SSBP3: variants seen among roughly 807,000 people sequenced by gnomAD.
The protein encoded by SSBP3 is single stranded DNA binding protein 3, also known as single-stranded DNA-binding protein 3.
SSBP3 carries 5 observed loss-of-function variants against 69.6 expected under a neutral mutation model. The observed-to-expected ratio is 0.07, with a 90% confidence interval of 0.04 to 0.15. The LOEUF is 0.15. SSBP3 is among the 10% of genes least tolerant of loss of function. The pLI is 1.00. For synonymous variants in SSBP3, 196 were observed against 193.4 expected (o/e 1.01, Z -0.11); for missense variants, 312 against 534.0 (o/e 0.58, Z 4.10).
intron 4 of SSBP3, among the ~76,000 whole-genome samples, chr1:54,337,800 A>T (rs901292990): frequency 1.3e-5 from 2 of 151,846 alleles, no homozygotes; most frequent in African/African-American, 2.4e-5. Flanking sequence ...CGGCCTCCTC[A>T]AACTTTTTGA....
intron 5 of SSBP3, among the ~76,000 whole-genome samples, chr1:54,266,772 A>T (rs141042076): frequency 3.3e-4 from 50 of 151,864 alleles, no homozygotes; most frequent in Middle Eastern, 6.8e-3. Context: ...CAGAATGAGC[A>T]CTGGCCAGGC....
chr1:54,402,272 AG>A (rs1467928335), intron 3 of SSBP3, among the ~76,000 whole-genome samples: 1 of 152,204 alleles, frequency 6.6e-6, no homozygotes, highest in Admixed American at 6.5e-5. Context: ...TGAAGCTCCA[AG>A]GGGTTAGTAG....
chr1:54,233,053 G>A (rs1223950582), intron 14 of SSBP3, among the ~76,000 whole-genome samples: 1 of 151,676 alleles, frequency 6.6e-6, no homozygotes, highest in East Asian at 1.9e-4. Flanking sequence ...CGTCTGGGAT[G>A]TGAGGAGCCC....
At chr1:54,242,309 A>ATTTTTT in intron 10 of SSBP3, 97 bp from the exon 11 acceptor site, 1 of 1,427,734 alleles carries the variant, frequency 7.0e-7, no homozygotes, top group Admixed American at 1.7e-5. Context: ...TGAAATCACA[A>ATTTTTT]CAGGAAGTCC....
chr1:54,313,625 G>A (rs772435506), intron 4 of SSBP3, among the ~76,000 whole-genome samples: 19 of 151,966 alleles, frequency 1.3e-4, no homozygotes, highest in Non-Finnish European at 1.9e-4. Flanking sequence ...ACAAAAGCAC[G>A]GGGGCCTGGA....
intron 4 of SSBP3, among the ~76,000 whole-genome samples, chr1:54,381,904 T>C (rs2100727700): frequency 6.6e-6 from 1 of 152,348 alleles, no homozygotes; most frequent in African/African-American, 2.4e-5. Flanking sequence ...TTTTAAGATG[T>C]GCAGTTAGGC....
chr1:54,284,814 G>A (rs952435114), intron 4 of SSBP3, among the ~76,000 whole-genome samples: 3 of 152,086 alleles, frequency 2.0e-5, no homozygotes, highest in South Asian at 2.1e-4. Context: ...GTACTTTGTC[G>A]CCTTATTTAT....
At chr1:54,232,166 G>A (rs72908101) in intron 14 of SSBP3, among the ~76,000 whole-genome samples, 1,995 of 152,320 alleles carry the variant, frequency 0.013, 42 homozygotes, top group African/African-American at 0.046. Context: ...GCGGCAATTA[G>A]TAGCAATTAG....
chr1:54,407,192 A>T (rs555842293), upstream of SSBP3, among the ~76,000 whole-genome samples: 308 of 152,060 alleles, frequency 2.0e-3, 3 homozygotes, highest in East Asian at 0.043. Context: ...TTGAATTAAG[A>T]GGAGGGAGAG....
intron 4 of SSBP3, among the ~76,000 whole-genome samples, chr1:54,399,930 C>A (rs550298780): frequency 6.6e-6 from 1 of 152,258 alleles, no homozygotes; most frequent in South Asian, 2.1e-4. Context: ...GACTCTCAGG[C>A]CACATGATAC....
chr1:54,270,996 A>AG (rs1645182556), intron 5 of SSBP3, among the ~76,000 whole-genome samples: 1 of 152,354 alleles, frequency 6.6e-6, no homozygotes, highest in East Asian at 1.9e-4. Context: ...CAGAAGGGAC[A>AG]GATGAGCTGA....
chr1:54,308,682 C>T (rs912236155), intron 4 of SSBP3, among the ~76,000 whole-genome samples: 1 of 151,482 alleles, frequency 6.6e-6, no homozygotes, highest in Admixed American at 6.6e-5. Flanking sequence ...GCAGGAGAAT[C>T]ACTCGAACCC....
rs1043753914 is a variant in SSBP3 at position 54,369,221 on chromosome 1, G to GT, written c.276+32639_276+32640insA. 4.6e-5 allele frequency among the ~76,000 whole-genome samples: 7 copies of GT among 150,626 alleles called. No homozygotes were observed. The South Asian group carries it at 6.4e-4, about 14-fold the overall frequency. ...ATGGGAAAAAGTCCTCTTGAGTCGG[G>GT]GGGGGGGCCCAAGCCAGGCTCCCTG... On this transcript the variant is annotated intron_variant, in intron 4 of 17. Transcript: ENST00000610401.
At chr1:54,396,358 T>TA in intron 4 of SSBP3, among the ~76,000 whole-genome samples, 1 of 152,262 alleles carries the variant, frequency 6.6e-6, no homozygotes, top group Non-Finnish European at 1.5e-5. Flanking sequence ...ATTACCAAGC[T>TA]AAAAAAGATT....
intron 4 of SSBP3, among the ~76,000 whole-genome samples, chr1:54,316,590 G>A (rs1569777189): frequency 7.0e-6 from 1 of 143,642 alleles, no homozygotes; most frequent in South Asian, 2.2e-4. Context: ...GCAGTGAGCC[G>A]AGATTGCGCC....
At chr1:54,374,339 G>A (rs1647182383) in intron 4 of SSBP3, among the ~76,000 whole-genome samples, 2 of 152,224 alleles carry the variant, frequency 1.3e-5, no homozygotes, top group African/African-American at 4.8e-5. Context: ...GCTCCGGGAA[G>A]ACGACTCTGA....
intron 11 of SSBP3, among the ~76,000 whole-genome samples, chr1:54,241,768 C>A (rs2100650903): frequency 6.6e-6 from 1 of 152,334 alleles, no homozygotes; most frequent in Non-Finnish European, 1.5e-5. Context: ...ACATAGAAGG[C>A]CCTCCGGTTT....
upstream of SSBP3, among the ~76,000 whole-genome samples, chr1:54,410,145 G>A (rs1228760254): frequency 6.6e-6 from 1 of 152,344 alleles, no homozygotes; most frequent in Admixed American, 6.5e-5. Flanking sequence ...ATGGTGAAAG[G>A]AACAGAAGGA....
intron 4 of SSBP3, among the ~76,000 whole-genome samples, chr1:54,395,316 T>C (rs577018297): frequency 7.3e-4 from 111 of 152,216 alleles, no homozygotes; most frequent in African/African-American, 2.6e-3. Context: ...CCTTGAGAAA[T>C]GAAGGCCCCC....
Sources: gnomAD v4.1 joint callset for allele counts (sites outside exome capture counted in the v4.1 genomes callset) on GRCh38, gnomAD v4.1.1 for gene constraint, MANE v1.5 for transcripts, NCBI Gene and HGNC (gene_info 2026-07-23, HGNC 2026-07-21) for gene names.